EFCAB6: variants seen among roughly 807,000 people sequenced by gnomAD.
EFCAB6 encodes the protein EF-hand calcium binding domain 6.
In EFCAB6, 156 loss-of-function variants were observed where a neutral mutation model predicts 169.8. The observed-to-expected ratio is 0.92, with a 90% CI of 0.81 to 1.05. The LOEUF is 1.05. EFCAB6 is among the 50% of genes least tolerant of loss of function. The pLI is 0.00. For missense variants in EFCAB6, 1,800 were observed against 1,829.1 expected (o/e 0.98, Z 0.29); for synonymous variants, 698 against 676.4 (o/e 1.03, Z -0.50).
intron 9 of EFCAB6, among the ~76,000 whole-genome samples, chr22:43,711,908 G>T (rs2059174327): frequency 6.6e-6 from 1 of 152,160 alleles, no homozygotes; most frequent in Non-Finnish European, 1.5e-5. Context: ...ATACTTGGTA[G>T]ATCTGCCGGT....
chr22:43,801,107 GT>G (rs78082139), intron 2 of EFCAB6, among the ~76,000 whole-genome samples: 6,371 of 152,126 alleles, frequency 0.042, 148 homozygotes, highest in Non-Finnish European at 0.051. Context: ...ACATATAAAG[GT>G]GCTCCCATTC....
intron 25 of EFCAB6, among the ~76,000 whole-genome samples, chr22:43,578,213 C>T (rs974275805): frequency 2.6e-5 from 4 of 152,148 alleles, no homozygotes; most frequent in African/African-American, 9.7e-5. Flanking sequence ...AGTTTCCCCT[C>T]CTGTAGAGTG....
intron 8 of EFCAB6, among the ~76,000 whole-genome samples, chr22:43,718,318 T>C (rs1318166441): frequency 6.6e-6 from 1 of 152,244 alleles, no homozygotes; most frequent in African/African-American, 2.4e-5. Context: ...CCCAGATTTA[T>C]TTCCTAAAAT....
intron 27 of EFCAB6, chr22:43,553,529 A>C (rs1020333064): frequency 6.6e-6 from 1 of 152,316 alleles, no homozygotes; most frequent in East Asian, 1.9e-4. Flanking sequence ...GACGCTGTCC[A>C]TTCAGCAGCA....
chr22:43,665,568 G>A (rs2057209402), intron 17 of EFCAB6, among the ~76,000 whole-genome samples: 1 of 152,178 alleles, frequency 6.6e-6, no homozygotes, highest in East Asian at 1.9e-4. Context: ...ACGTAGCTCA[G>A]GGTGAAATAA....
At chr22:43,633,121 G>A (rs1472269097) in intron 18 of EFCAB6, among the ~76,000 whole-genome samples, 5 of 152,112 alleles carry the variant, frequency 3.3e-5, no homozygotes, top group African/African-American at 4.8e-5. Flanking sequence ...AGGGGTCCCC[G>A]GCTCGCCTGG....
chr22:43,558,568 T>C (rs1308116695), intron 26 of EFCAB6, among the ~76,000 whole-genome samples: 3 of 152,186 alleles, frequency 2.0e-5, no homozygotes, highest in Admixed American at 6.5e-5. Flanking sequence ...AAATCGTTCA[T>C]GAAAGAGACA....
chr22:43,784,611 GTGTATATATACACATA>G lies in EFCAB6; in HGVS notation c.-7-2302_-7-2287del, dbSNP rs1569487740. On this transcript the variant is annotated intron_variant, in intron 2 of 31. Transcript: ENST00000262726. ...TATATGTATATATACACATATATAT[GTGTATATATACACATA>G]TATATGTATATGTACACATATATAT... Among the ~76,000 whole-genome samples the G allele has an allele frequency of 9.3e-4, 50 of 53,690 alleles. 5 individuals are homozygous for G. Among genetic ancestry groups the G allele is most frequent in the South Asian group, 1.9e-3 (3 of 1,544 alleles). 35.2% of individuals were successfully genotyped at this position (53,690 alleles called of 152,430 possible).
At chr22:43,675,948 A>C (rs747336969) in intron 13 of EFCAB6, among the ~76,000 whole-genome samples, 4 of 152,022 alleles carry the variant, frequency 2.6e-5, no homozygotes, top group Non-Finnish European at 5.9e-5. Flanking sequence ...GATGTCCAGC[A>C]TAATATAAGT....
intron 17 of EFCAB6, among the ~76,000 whole-genome samples, chr22:43,644,634 T>A (rs962929664): frequency 3.3e-5 from 5 of 152,204 alleles, no homozygotes; most frequent in Non-Finnish European, 5.9e-5. Context: ...CTAATAGCAA[T>A]CACAAAGTCG....
chr22:43,533,771 G>C (rs2047219903), intron 30 of EFCAB6, among the ~76,000 whole-genome samples: 1 of 152,084 alleles, frequency 6.6e-6, no homozygotes, highest in Non-Finnish European at 1.5e-5. Context: ...GCTAAGTATT[G>C]CTCACGTTAT....
intron 7 of EFCAB6, among the ~76,000 whole-genome samples, 177 bp downstream of exon 7, chr22:43,735,680 T>G (rs2060109426): frequency 6.6e-6 from 1 of 152,122 alleles, no homozygotes; most frequent in Admixed American, 6.5e-5. Context: ...TGAGAATGCA[T>G]GGGGAGCTTT....
intron 8 of EFCAB6, among the ~76,000 whole-genome samples, chr22:43,719,221 A>G (rs903324833): frequency 1.3e-5 from 2 of 152,160 alleles, no homozygotes; most frequent in South Asian, 2.1e-4. Flanking sequence ...TCTCACCACA[A>G]TTATACCAGC....
intron 30 of EFCAB6, among the ~76,000 whole-genome samples, chr22:43,532,435 G>T (rs548794116): frequency 2.0e-5 from 3 of 152,396 alleles, no homozygotes; most frequent in African/African-American, 7.2e-5. Flanking sequence ...CTGAGGCCCA[G>T]GGAGGCGGAG....
intron 2 of EFCAB6, among the ~76,000 whole-genome samples, chr22:43,797,606 C>A (rs970171850): frequency 1.2e-4 from 19 of 152,056 alleles, no homozygotes; most frequent in African/African-American, 4.6e-4. Flanking sequence ...ATCCAATACA[C>A]ACACACACAT....
At position 43,795,932 on chromosome 22, in the gene EFCAB6, TCACACACGTAC is replaced by T. The variant is rs1182642845; in HGVS notation, c.-8+13052_-8+13062del. The stretch of plus-strand genomic sequence containing the variant: ...CACCACACACACACACACCCCTTCA[TCACACACGTAC>T]CACACACAACTCACCCCCCACAGAA... On this transcript the variant is annotated intron_variant, in intron 2 of 31. Transcript: ENST00000262726. The surrounding 1 kb of genome is among the most constrained non-coding windows in gnomAD (Gnocchi z 4.2). Among the ~76,000 whole-genome samples, 3 of 146,438 alleles carry T rather than the reference TCACACACGTAC, an allele frequency of 2.0e-5. No homozygotes were observed. The Admixed American group carries it at 2.0e-4, about 10-fold the overall frequency.
At chr22:43,672,379 C>T in intron 13 of EFCAB6, 74 bp from the exon 14 acceptor site, 6 of 1,507,340 alleles carry the variant, frequency 4.0e-6, no homozygotes, top group Non-Finnish European at 3.7e-6. Context: ...GGCAGGTGGA[C>T]CTGGACTGGA....
At chr22:43,626,305 T>C in intron 20 of EFCAB6, 142 bp downstream of exon 20, 3 of 806,416 alleles carry the variant, frequency 3.7e-6, no homozygotes, top group Non-Finnish European at 5.8e-6. Flanking sequence ...ATATTTCTTG[T>C]ATGACTTTTT....
At chr22:43,678,731 C>T (rs1039849511) in intron 12 of EFCAB6, among the ~76,000 whole-genome samples, 4 of 152,074 alleles carry the variant, frequency 2.6e-5, no homozygotes, top group Admixed American at 1.3e-4. Context: ...AAAATTTCTT[C>T]CCCCAGAATA....
Sources: gnomAD v4.1 joint callset for allele counts (sites outside exome capture counted in the v4.1 genomes callset) on GRCh38, gnomAD v4.1.1 for gene constraint, Gnocchi (gnomAD v3.1) non-coding constraint, MANE v1.5 for transcripts, NCBI Gene and HGNC (gene_info 2026-07-23, HGNC 2026-07-21) for gene names.